The following TENT4B variants were observed in gnomAD, a reference collection of about 807,000 sequenced individuals.
TENT4B encodes terminal nucleotidyltransferase 4B, also known as PAP associated domain containing 5.
Under a neutral mutation model 75.0 loss-of-function variants are expected in TENT4B, and 10 were observed. That is an observed-to-expected ratio of 0.13 (90% CI 0.08 to 0.23). TENT4B has a LOEUF of 0.23. TENT4B is among the 10% of genes least tolerant of loss of function. The pLI is 1.00. For missense variants in TENT4B, 579 were observed against 893.8 expected, an observed-to-expected ratio of 0.65 and a Z score of 4.49; for synonymous variants, 350 against 357.7, an observed-to-expected ratio of 0.98 and a Z score of 0.24.
chr16:50,173,224 G>C (rs900096998), intron 1 of TENT4B, among the ~76,000 whole-genome samples: 2 of 152,136 alleles, frequency 1.3e-5, no homozygotes, highest in African/African-American at 4.8e-5. Context: ...GATTACAGGC[G>C]TGAGCCACCC....
Position 50,230,917 on chromosome 16 carries a change from A to T in TENT4B, c.*1589A>T, listed in dbSNP as rs1431835885. 4.1e-6 allele frequency: 4 copies of T among 974,698 alleles called. No homozygotes were observed. Among genetic ancestry groups the T allele is most frequent in the Non-Finnish European group, 4.9e-6 (4 of 819,952 alleles). 60.4% of individuals were successfully genotyped at this position (974,698 alleles called of 1,614,324 possible). On this transcript the variant is annotated 3_prime_UTR_variant, in exon 12 of 12. Coordinates refer to ENST00000561678, the MANE Select transcript of TENT4B (RefSeq NM_001365324.3). ...GCCATTTCTGAGACGAGATTCTTTT[A>T]TATATATATACATATAAAGTACTAT...
chr16:50,215,528 C>T (rs539184760), intron 3 of TENT4B, among the ~76,000 whole-genome samples: 1 of 152,152 alleles, frequency 6.6e-6, no homozygotes, highest in Non-Finnish European at 1.5e-5. Flanking sequence ...GCACAAAAAT[C>T]AATACAGGGA....
chr16:50,190,401 C>T (rs2038617962), intron 1 of TENT4B, among the ~76,000 whole-genome samples: 1 of 152,020 alleles, frequency 6.6e-6, no homozygotes. Context: ...AGTGCAACCA[C>T]TGTTACTGTC....
intron 10 of TENT4B, among the ~76,000 whole-genome samples, chr16:50,226,421 T>G (rs1486442246): frequency 1.3e-5 from 2 of 152,180 alleles, no homozygotes; most frequent in Non-Finnish European, 2.9e-5. Flanking sequence ...GGTTGAATTT[T>G]TTGTTGTTGT....
chr16:50,200,786 T>C (rs753029499), intron 1 of TENT4B, among the ~76,000 whole-genome samples: 1 of 151,804 alleles, frequency 6.6e-6, no homozygotes, highest in Non-Finnish European at 1.5e-5. Flanking sequence ...TGCTTTATTT[T>C]TGTGTTTTTT....
At chr16:50,200,064 T>C (rs1383765238) in intron 1 of TENT4B, among the ~76,000 whole-genome samples, 1 of 152,130 alleles carries the variant, frequency 6.6e-6, no homozygotes, top group Non-Finnish European at 1.5e-5. Flanking sequence ...AAAGTATGTT[T>C]AGTTTGCTAA....
chr16:50,209,167 T>C (rs544677972), intron 1 of TENT4B, among the ~76,000 whole-genome samples: 22 of 152,132 alleles, frequency 1.4e-4, no homozygotes, highest in African/African-American at 4.1e-4. Flanking sequence ...AGGAGATTTT[T>C]CCCCCCCATT....
At chr16:50,225,500 T>C (rs906831397) in intron 10 of TENT4B, among the ~76,000 whole-genome samples, 1 of 152,222 alleles carries the variant, frequency 6.6e-6, no homozygotes, top group Non-Finnish European at 1.5e-5. Context: ...ATTCATGTAC[T>C]CACCAGTAGA....
rs2032219347 is a variant in TENT4B at position 50,229,853 on chromosome 16, T to C, written c.*525T>C. ...TATATATAGAAGACCATATAGGAGA[T>C]TGATATTTGTAATAGTGGATTTGTT... is the stretch of plus-strand genomic sequence containing the variant. On this transcript the variant is annotated 3_prime_UTR_variant, in exon 12 of 12. Coordinates refer to ENST00000561678, the MANE Select transcript of TENT4B (RefSeq NM_001365324.3). The C allele has an allele frequency of 1.3e-5, 12 of 903,914 alleles. No homozygotes were observed. Among genetic ancestry groups the C allele is most frequent in the African/African-American group, 1.8e-5 (1 of 55,430 alleles). The allele number at this position is 903,914 out of a possible 1,614,324, so 56.0% of individuals were successfully genotyped here. A position where few individuals can be genotyped will look rare whatever the true frequency, so the allele number is the denominator to read the frequency against.
chr16:50,223,181 C>A lies in TENT4B; in HGVS notation c.1175C>A (p.Pro392His). Residue 392 changes from proline (P) to histidine (H), a missense_variant, in exon 7 of 12, where the codon CCC (proline) becomes CAC (histidine). Physicochemically the swap from Pro to His is moderately conservative, Grantham distance 77. Transcript: ENST00000561678. ...CTTCTTTTCTGCTTTTAGTTACATCCCAGGGAAGATGCTTGCATCCCCAAT... is the reference window on the plus strand; with the variant it reads ...CTTCTTTTCTGCTTTTAGTTACATCACAGGGAAGATGCTTGCATCCCCAAT... ...LMAVSFLQLH[P>H]REDACIPNTN... The A allele has an allele frequency of 6.2e-7, 1 of 1,606,362 alleles. No individual in the cohort carries two copies. Among genetic ancestry groups the A allele is most frequent in the Non-Finnish European group, 8.5e-7 (1 of 1,175,380 alleles).
chr16:50,152,979 G>T (rs570453581), upstream of TENT4B: 2 of 1,514,100 alleles, frequency 1.3e-6, no homozygotes, highest in Admixed American at 2.0e-5. Context: ...GCTCAGCACC[G>T]GGGAAGCCGA....
rs2032369092 is a variant in TENT4B at position 50,233,794 on chromosome 16, C to A, written c.*4466C>A. The A allele has an allele frequency of 5.1e-6, 5 of 985,160 alleles. No individual in the cohort carries two copies. The highest frequency in any genetic ancestry group is 4.8e-6 in the Non-Finnish European group (4 of 829,910). 61.0% of individuals were successfully genotyped at this position (985,160 alleles called of 1,614,324 possible). ...TAGCCTGAAAGAAAAGGAGACAGAA[C>A]CAGAGAGATGGATGTAGTGCATTCC... On this transcript the variant is annotated 3_prime_UTR_variant, in exon 12 of 12. Coordinates refer to ENST00000561678, the MANE Select transcript of TENT4B (RefSeq NM_001365324.3).
intron 1 of TENT4B, among the ~76,000 whole-genome samples, chr16:50,189,538 G>A (rs546001959): frequency 6.6e-6 from 1 of 152,276 alleles, no homozygotes; most frequent in East Asian, 1.9e-4. Flanking sequence ...CTGTCTCTGT[G>A]AGGATATCCC....
In TENT4B at chr16:50,171,643, A is replaced by AT. The variant is rs370967809; in HGVS notation, c.638+17392dup. ...TCTGTATGGGTCCACTTATATGTGG[A>AT]TTTTTTTTCAACCAAACTTGGATTA... On this transcript the variant is annotated intron_variant, in intron 1 of 11. Transcript: ENST00000561678. 1.0e-3 allele frequency among the ~76,000 whole-genome samples: 157 copies of AT among 151,992 alleles called. 1 individual carries two copies. The highest frequency in any genetic ancestry group is 3.6e-3 in the African/African-American group (149 of 41,446).
rs1454542049 is a variant in TENT4B, at chr16:50,230,240, A to G, written c.*912A>G. ...GTCGTCTTGGGCAATGGGCAATTAC[A>G]TGACTTTGTGTTTGCTTCCTTTGCA... is the stretch of plus-strand genomic sequence containing the variant. On this transcript the variant is annotated 3_prime_UTR_variant, in exon 12 of 12. Coordinates refer to ENST00000561678, the MANE Select transcript of TENT4B (RefSeq NM_001365324.3). The G allele has an allele frequency of 1.0e-6, 1 of 981,052 alleles. No individual in the cohort carries two copies. Among genetic ancestry groups the G allele is most frequent in the African/African-American group, 1.8e-5 (1 of 55,984 alleles). 60.8% of individuals were successfully genotyped at this position (981,052 alleles called of 1,614,324 possible). A position where few individuals can be genotyped will look rare whatever the true frequency, so the allele number is the denominator to read the frequency against.
chr16:50,204,284 G>C (rs554582062), intron 1 of TENT4B, among the ~76,000 whole-genome samples: 9 of 152,290 alleles, frequency 5.9e-5, no homozygotes, highest in Admixed American at 5.9e-4. Context: ...AGGGAAGGTG[G>C]AGGGGCAGGG....
chr16:50,158,277 G>A (rs893204809), intron 1 of TENT4B, among the ~76,000 whole-genome samples: 3 of 151,978 alleles, frequency 2.0e-5, no homozygotes, highest in Non-Finnish European at 2.9e-5. Flanking sequence ...AGTAGAGATG[G>A]GGTCTCACCA....
intron 1 of TENT4B, among the ~76,000 whole-genome samples, chr16:50,183,787 G>A (rs947303838): frequency 1.4e-4 from 21 of 152,174 alleles, no homozygotes; most frequent in African/African-American, 5.1e-4. Flanking sequence ...GCTCATGCCT[G>A]TAATCCCAGC....
chr16:50,153,828 C>T lies in TENT4B; in HGVS notation c.207C>T (p.Pro69=). The T allele has an allele frequency of 8.0e-7, 1 of 1,243,928 alleles. No individual in the cohort carries two copies. Among genetic ancestry groups the T allele is most frequent in the Non-Finnish European group, 1.0e-6 (1 of 998,458 alleles). 77.1% of individuals were successfully genotyped at this position (1,243,928 alleles called of 1,614,324 possible). A position where few individuals can be genotyped will look rare whatever the true frequency, so the allele number is the denominator to read the frequency against. The change falls in exon 1 of 12, where the codon CCC becomes CCT. Residue 69 remains proline, a synonymous_variant. Transcript: ENST00000561678. ...TGGSGSSTGS[P]GGAASAPAPA... ...GGAGCGGCAGCAGCACCGGCAGCCC[C>T]GGCGGCGCGGCCTCGGCCCCGGCCC...
Sources: gnomAD v4.1 joint callset for allele counts (sites outside exome capture counted in the v4.1 genomes callset) on GRCh38, gnomAD v4.1.1 for gene constraint, MANE v1.5 for transcripts, NCBI Gene and HGNC (gene_info 2026-07-23, HGNC 2026-07-21) for gene names.